FRMD4A: variants seen among roughly 807,000 people sequenced by gnomAD.
FRMD4A encodes FERM domain-containing protein 4A.
FRMD4A carries 29 observed loss-of-function variants against 129.1 expected under a neutral mutation model. The ratio of observed to expected loss-of-function variants is 0.22; its 90% CI spans 0.17 to 0.31. The LOEUF is 0.31. Among genes scored for constraint, FRMD4A ranks in the 10% least tolerant of loss-of-function variants. The probability of loss-of-function intolerance (pLI) is 1.00; values close to 1 mark genes in which losing one functional copy is unlikely to be tolerated. For missense variants in FRMD4A, 1,272 were observed against 1,375.8 expected (o/e 0.92, Z 1.19); for synonymous variants, 634 against 571.6 (o/e 1.11, Z -1.56).
chr10:13,732,118 C>T (rs537395243), intron 12 of FRMD4A, among the ~76,000 whole-genome samples: 21 of 152,174 alleles, frequency 1.4e-4, no homozygotes, highest in South Asian at 4.2e-4. Flanking sequence ...TCTCTGTTCT[C>T]GGAGCCACCG....
intron 2 of FRMD4A, among the ~76,000 whole-genome samples, chr10:13,954,431 T>C (rs1370373594): frequency 6.6e-6 from 1 of 152,090 alleles, no homozygotes; most frequent in Non-Finnish European, 1.5e-5. Context: ...TCCTGAAACT[T>C]ATCCACTATC....
At chr10:14,183,342 A>G (rs1051970830) in intron 2 of FRMD4A, among the ~76,000 whole-genome samples, 1 of 152,236 alleles carries the variant, frequency 6.6e-6, no homozygotes, top group African/African-American at 2.4e-5. Context: ...TTTATGTTAT[A>G]AAAGCTCATT....
At chr10:14,275,802 G>A (rs1281735992) in intron 2 of FRMD4A, among the ~76,000 whole-genome samples, 1 of 152,162 alleles carries the variant, frequency 6.6e-6, no homozygotes, top group African/African-American at 2.4e-5. Flanking sequence ...ACTTTGGGAC[G>A]CTAAGGAAGG....
intron 2 of FRMD4A, among the ~76,000 whole-genome samples, chr10:14,144,567 T>C (rs2131846373): frequency 6.6e-6 from 1 of 152,290 alleles, no homozygotes; most frequent in Non-Finnish European, 1.5e-5. Flanking sequence ...TAGGGTGTCT[T>C]AGCAGCCCTT....
intron 6 of FRMD4A, among the ~76,000 whole-genome samples, chr10:13,768,630 C>A (rs1310669543): frequency 6.6e-6 from 1 of 152,104 alleles, no homozygotes; most frequent in Non-Finnish European, 1.5e-5. Context: ...TTATTCTTAC[C>A]CACAAAACAT....
chr10:14,320,259 C>T (rs1846923622), intron 2 of FRMD4A, among the ~76,000 whole-genome samples: 2 of 152,158 alleles, frequency 1.3e-5, no homozygotes, highest in African/African-American at 2.4e-5. Context: ...CAGCTCCAAT[C>T]CAGATGCCCC....
intron 2 of FRMD4A, among the ~76,000 whole-genome samples, chr10:13,925,470 C>A (rs1270904330): frequency 6.7e-6 from 1 of 149,604 alleles, no homozygotes; most frequent in East Asian, 2.0e-4. Context: ...AGGCAGCATG[C>A]AAATGCTCTT....
At chr10:14,275,793 C>A (rs1845319052) in intron 2 of FRMD4A, among the ~76,000 whole-genome samples, 1 of 152,120 alleles carries the variant, frequency 6.6e-6, no homozygotes, top group Non-Finnish European at 1.5e-5. Context: ...AATCCCAGAA[C>A]TTTGGGACGC....
intron 3 of FRMD4A, among the ~76,000 whole-genome samples, chr10:13,845,680 C>T (rs1030997705): frequency 5.9e-5 from 9 of 152,076 alleles, no homozygotes; most frequent in South Asian, 2.1e-4. Context: ...GTCTTGGGGG[C>T]GCTTCAGATG....
intron 2 of FRMD4A, among the ~76,000 whole-genome samples, chr10:14,120,927 C>T (rs1838474407): frequency 6.6e-6 from 1 of 152,204 alleles, no homozygotes. Context: ...AGCAGCTTTG[C>T]TCTCCTCCCT....
At chr10:13,851,691 G>A (rs532327324) in intron 3 of FRMD4A, among the ~76,000 whole-genome samples, 1 of 152,114 alleles carries the variant, frequency 6.6e-6, no homozygotes, top group East Asian at 1.9e-4. Flanking sequence ...CATGAGGTCA[G>A]GAGATTGAGA....
intron 2 of FRMD4A, among the ~76,000 whole-genome samples, chr10:13,864,522 G>C (rs1167665825): frequency 1.3e-5 from 2 of 149,852 alleles, no homozygotes; most frequent in African/African-American, 4.9e-5. Flanking sequence ...GATGTCCTCT[G>C]TCTCCCTTTT....
chr10:14,065,069 A>C (rs192121323), intron 2 of FRMD4A, among the ~76,000 whole-genome samples: 177 of 152,288 alleles, frequency 1.2e-3, no homozygotes, highest in Admixed American at 1.8e-3. Context: ...TGCCAAATCC[A>C]TGTTGTGGGC....
chr10:14,167,134 A>C (rs1362113824), intron 2 of FRMD4A, among the ~76,000 whole-genome samples: 1 of 152,218 alleles, frequency 6.6e-6, no homozygotes, highest in Non-Finnish European at 1.5e-5. Flanking sequence ...ATTTAAGGTG[A>C]TGGATATCCC....
At chr10:13,884,142 A>ACACACG (rs137896980) in intron 2 of FRMD4A, among the ~76,000 whole-genome samples, 2 of 29,576 alleles carry the variant, frequency 6.8e-5, no homozygotes, top group South Asian at 3.9e-3. Flanking sequence ...GCTCACACAC[A>ACACACG]CTCTCACACA....
At chr10:13,948,948 C>A (rs1203097519) in intron 2 of FRMD4A, among the ~76,000 whole-genome samples, 3 of 151,670 alleles carry the variant, frequency 2.0e-5, no homozygotes, top group South Asian at 2.1e-4. Flanking sequence ...CTGCGCCCAG[C>A]CGAGAGGATT....
At chr10:14,124,904 C>T (rs574414056) in intron 2 of FRMD4A, among the ~76,000 whole-genome samples, 1 of 152,120 alleles carries the variant, frequency 6.6e-6, no homozygotes, top group Admixed American at 6.5e-5. Context: ...CCTTGGTGAC[C>T]CATGATAACA....
chr10:13,736,150 TCAAACAAACAAA>T (rs546327848), intron 12 of FRMD4A, among the ~76,000 whole-genome samples: 13 of 151,720 alleles, frequency 8.6e-5, no homozygotes, highest in Non-Finnish European at 1.8e-4. Flanking sequence ...AGACTCCATC[TCAAACAAACAAA>T]CAAACAAACA....
At chr10:14,213,123 A>G (rs1842976692) in intron 2 of FRMD4A, among the ~76,000 whole-genome samples, 1 of 152,134 alleles carries the variant, frequency 6.6e-6, no homozygotes, top group Non-Finnish European at 1.5e-5. Context: ...ATGTGCTTGG[A>G]GTCCCAGCTC....
Sources: gnomAD v4.1 joint callset for allele counts (sites outside exome capture counted in the v4.1 genomes callset) on GRCh38, gnomAD v4.1.1 for gene constraint, MANE v1.5 for transcripts, NCBI Gene and HGNC (gene_info 2026-07-23, HGNC 2026-07-21) for gene names.